PLEKHA6: variants seen among roughly 807,000 people sequenced by gnomAD.
PLEKHA6 encodes the protein pleckstrin homology domain containing A6.
A neutral mutation model predicts 116.7 loss-of-function variants in PLEKHA6; 60 were observed. The observed-to-expected ratio is 0.51, with a 90% confidence interval of 0.42 to 0.64. The LOEUF is 0.64. Among genes scored for constraint, PLEKHA6 ranks in the 30% least tolerant of loss-of-function variants. The probability of loss-of-function intolerance (pLI) is 0.00; values close to 1 mark genes in which losing one functional copy is unlikely to be tolerated. For synonymous variants in PLEKHA6, 489 were observed against 556.1 expected (o/e 0.88, Z 1.70); for missense variants, 1,338 against 1,422.7 (o/e 0.94, Z 0.96).
chr1:204,331,782 T>C (rs2103271806), intron 1 of PLEKHA6, among the ~76,000 whole-genome samples: 1 of 152,118 alleles, frequency 6.6e-6, no homozygotes, highest in East Asian at 1.9e-4. Flanking sequence ...GAGAGGCCCC[T>C]GGGAACATGG....
At chr1:204,372,722 G>A (rs564409704) in intron 1 of PLEKHA6, among the ~76,000 whole-genome samples, 69 of 152,010 alleles carry the variant, frequency 4.5e-4, no homozygotes, top group African/African-American at 1.6e-3. Context: ...AACTTTCTGT[G>A]TGACCCTTTG....
intron 6 of PLEKHA6, among the ~76,000 whole-genome samples, chr1:204,262,549 A>G (rs1252182233): frequency 6.6e-6 from 1 of 151,702 alleles, no homozygotes; most frequent in Non-Finnish European, 1.5e-5. Flanking sequence ...TGTGAGCCTC[A>G]CTCCAGCCTC....
In PLEKHA6 at chr1:204,261,635, G is replaced by A; in HGVS notation, c.382-187C>T. The A allele has an allele frequency of 1.6e-6, 1 of 619,058 alleles. No homozygotes were observed. The highest frequency in any genetic ancestry group is 2.8e-6 in the Non-Finnish European group (1 of 359,636). 38.3% of individuals were successfully genotyped at this position (619,058 alleles called of 1,614,324 possible). A position where few individuals can be genotyped will look rare whatever the true frequency, so the allele number is the denominator to read the frequency against. Reference sequence around the variant, plus strand: ...AGGGCAGCTTGCAGCTACCCCGAGGGTTCCAGCTGGTACCCACGTATCCAC... The same window carrying A: ...AGGGCAGCTTGCAGCTACCCCGAGGATTCCAGCTGGTACCCACGTATCCAC... On this transcript the variant is annotated intron_variant, in intron 6 of 22. Coordinates refer to ENST00000272203, the MANE Select transcript of PLEKHA6 (RefSeq NM_014935.5). The surrounding 1 kb of genome is among the most constrained non-coding windows in gnomAD (Gnocchi z 4.0).
At chr1:204,251,328 G>A (rs1028876447) in intron 9 of PLEKHA6, among the ~76,000 whole-genome samples, 13 of 152,202 alleles carry the variant, frequency 8.5e-5, no homozygotes, top group African/African-American at 3.1e-4. Flanking sequence ...TTGATGGTTT[G>A]GGAAATGGGC....
At chr1:204,305,368 C>G (rs539639135) in intron 1 of PLEKHA6, among the ~76,000 whole-genome samples, 2 of 152,194 alleles carry the variant, frequency 1.3e-5, no homozygotes, top group Non-Finnish European at 2.9e-5. Flanking sequence ...GGATTCTAAT[C>G]CATCCCTCCT....
At chr1:204,338,441 T>A (rs189091375) in intron 1 of PLEKHA6, among the ~76,000 whole-genome samples, 2 of 152,198 alleles carry the variant, frequency 1.3e-5, no homozygotes. Flanking sequence ...TAAGAACTCA[T>A]TAGTTCAACA....
chr1:204,239,416 C>T (rs1366647864), intron 17 of PLEKHA6, among the ~76,000 whole-genome samples: 3 of 152,176 alleles, frequency 2.0e-5, no homozygotes, highest in African/African-American at 4.8e-5. Flanking sequence ...GGACCTCTTC[C>T]ATCATGGAAA....
chr1:204,270,783 C>T lies in PLEKHA6; in HGVS notation c.103-2471G>A, dbSNP rs76074029. On this transcript the variant is annotated intron_variant, in intron 3 of 22. Coordinates refer to ENST00000272203, the MANE Select transcript of PLEKHA6 (RefSeq NM_014935.5). ...AGAGGTTGGATTCCTCAGCACAGCA[C>T]AGAGGACAGGTTTGTGAGATATGGC... 3.4e-3 allele frequency among the ~76,000 whole-genome samples: 523 copies of T among 152,352 alleles called. 6 individuals are homozygous for T. Among genetic ancestry groups the T allele is most frequent in the African/African-American group, 0.012 (499 of 41,570 alleles).
intron 17 of PLEKHA6, among the ~76,000 whole-genome samples, chr1:204,239,849 G>A (rs1420395601): frequency 6.6e-6 from 1 of 152,122 alleles, no homozygotes; most frequent in Non-Finnish European, 1.5e-5. Context: ...AGGAATCAAG[G>A]GGTGGAAGTG....
chr1:204,257,428 C>G lies in PLEKHA6; in HGVS notation c.1449G>C (p.Arg483=). The change falls in exon 9 of 23, where the codon CGG becomes CGC. Residue 483 remains arginine, a synonymous_variant. Transcript: ENST00000272203. The surrounding 1 kb of genome is among the most constrained non-coding windows in gnomAD (Gnocchi z 6.5). ...AGATGTCCTCACTGCGAGGTGGCAGCCGCTCAAAACGGGCACTGGGTGAGC... is the reference window on the plus strand; with the variant it reads ...AGATGTCCTCACTGCGAGGTGGCAGGCGCTCAAAACGGGCACTGGGTGAGC... ...PVRSPSARFE[R]LPPRSEDIYA... is the part of the protein sequence containing the mutation. 6.4e-7 allele frequency: 1 copy of G among 1,565,690 alleles called. No individual in the cohort carries two copies. The highest frequency in any genetic ancestry group is 1.9e-5 in the Admixed American group (1 of 52,484).
chr1:204,297,607 C>T lies in PLEKHA6; in HGVS notation c.-94-22798G>A, dbSNP rs570548885. On this transcript the variant is annotated intron_variant, in intron 1 of 22. Coordinates refer to ENST00000272203, the MANE Select transcript of PLEKHA6 (RefSeq NM_014935.5). ...TCTCTCTATGCCTCAGTTTCCTCATCGGCAACAGGGGGGGTGGGTAACAGT... is the reference window on the plus strand; with the variant it reads ...TCTCTCTATGCCTCAGTTTCCTCATTGGCAACAGGGGGGGTGGGTAACAGT... Among the ~76,000 whole-genome samples the T allele has an allele frequency of 2.6e-4, 33 of 126,310 alleles. No homozygotes were observed. The South Asian group carries it at 7.8e-3, about 30-fold the overall frequency. The allele number at this position is 126,310 out of a possible 152,430, so 82.9% of individuals were successfully genotyped here.
At position 204,223,308 on chromosome 1, in the gene PLEKHA6, G is replaced by A. The variant is rs903444634; in HGVS notation, c.*8+154C>T. Among the ~76,000 whole-genome samples, 1 of 152,150 alleles carries A rather than the reference G, an allele frequency of 6.6e-6. No homozygotes were observed. The highest frequency in any genetic ancestry group is 6.5e-5 in the Admixed American group (1 of 15,288). ...CGTGGGGAAGCTGGATGGACGGATG[G>A]ATGGATGAATGGATGGATAGTGGGG... On this transcript the variant is annotated intron_variant, in intron 22 of 22. Coordinates refer to ENST00000272203, the MANE Select transcript of PLEKHA6 (RefSeq NM_014935.5). The surrounding 1 kb of genome is among the most constrained non-coding windows in gnomAD (Gnocchi z 4.8).
intron 6 of PLEKHA6, among the ~76,000 whole-genome samples, chr1:204,263,077 AAGGCAAAGAC>A (rs1666339212): frequency 6.6e-6 from 1 of 152,178 alleles, no homozygotes; most frequent in Non-Finnish European, 1.5e-5. Context: ...AGTCACAAGG[AAGGCAAAGAC>A]AGGCTCTTGC....
chr1:204,330,935 C>T (rs1672424879), intron 1 of PLEKHA6, among the ~76,000 whole-genome samples: 1 of 152,216 alleles, frequency 6.6e-6, no homozygotes, highest in Non-Finnish European at 1.5e-5. Flanking sequence ...TGGCTCACGC[C>T]TGTAATCCTA....
rs573229252 is a variant in PLEKHA6, at chr1:204,359,818, C to T, written c.-219G>A. ...GCCCCTGGGGCCCCCTTCTGCAGAG[C>T]GGGGCTCCGGATCTAATCTGATCTA... On this transcript the variant is annotated 5_prime_UTR_variant, in exon 1 of 23. Transcript: ENST00000272203. 3 of 345,808 alleles carry T rather than the reference C, an allele frequency of 8.7e-6. No individual in the cohort carries two copies. The highest frequency in any genetic ancestry group is 1.1e-4 in the South Asian group (1 of 8,738). 21.4% of individuals were successfully genotyped at this position (345,808 alleles called of 1,614,324 possible). A position where few individuals can be genotyped will look rare whatever the true frequency, so the allele number is the denominator to read the frequency against.
In PLEKHA6 at chr1:204,245,715, C is replaced by G; in HGVS notation, c.1932G>C (p.Leu644=). Residue 644 remains leucine, a synonymous_variant, in exon 14 of 23, where the codon CTG becomes CTC. Coordinates refer to ENST00000272203, the MANE Select transcript of PLEKHA6 (RefSeq NM_014935.5). ...QLNLDTQNEV[L]NRQIQKEIWR... ...AGATCTCCTTTTGGATTTGCCGGTT[C>G]AGCACCTCATTCTGAAGCAGCCACA... 6.2e-7 allele frequency: 1 copy of G among 1,611,548 alleles called. No individual in the cohort carries two copies. Among genetic ancestry groups the G allele is most frequent in the Non-Finnish European group, 8.5e-7 (1 of 1,178,314 alleles).
intron 1 of PLEKHA6, among the ~76,000 whole-genome samples, chr1:204,331,450 A>G (rs1438214442): frequency 6.6e-6 from 1 of 151,980 alleles, no homozygotes; most frequent in Non-Finnish European, 1.5e-5. Context: ...AACAGCTGGC[A>G]CCTCCCAGGC....
chr1:204,288,240 G>T (rs1481919213), intron 1 of PLEKHA6, among the ~76,000 whole-genome samples: 9 of 152,160 alleles, frequency 5.9e-5, no homozygotes, highest in Admixed American at 5.9e-4. Flanking sequence ...CATGCTGGCT[G>T]GCCTTAACCC....
chr1:204,336,104 C>T (rs1672638035), intron 1 of PLEKHA6, among the ~76,000 whole-genome samples: 1 of 152,162 alleles, frequency 6.6e-6, no homozygotes, highest in Admixed American at 6.5e-5. Context: ...CCCAACCACA[C>T]CCACTGAGCC....
Sources: gnomAD v4.1 joint callset for allele counts (sites outside exome capture counted in the v4.1 genomes callset) on GRCh38, gnomAD v4.1.1 for gene constraint, Gnocchi (gnomAD v3.1) non-coding constraint, MANE v1.5 for transcripts, NCBI Gene and HGNC (gene_info 2026-07-23, HGNC 2026-07-21) for gene names.